The following PDGFD variants were observed in gnomAD, a reference collection of about 807,000 sequenced individuals.
PDGFD encodes the protein platelet-derived growth factor D.
PDGFD carries 30 observed loss-of-function variants against 44.7 expected under a neutral mutation model. The ratio of observed to expected loss-of-function variants is 0.67; its 90% CI spans 0.50 to 0.91. PDGFD has a LOEUF of 0.91. Ranked by LOEUF, PDGFD falls within the 40% of genes least tolerant of loss-of-function variation. PDGFD has a pLI of 0.00. For synonymous variants in PDGFD, 173 were observed against 168.4 expected, an observed-to-expected ratio of 1.03 and a Z score of -0.21; for missense variants, 445 against 457.8, an observed-to-expected ratio of 0.97 and a Z score of 0.25.
At chr11:104,010,851 A>G (rs556749058) in intron 1 of PDGFD, among the ~76,000 whole-genome samples, 2 of 152,254 alleles carry the variant, frequency 1.3e-5, no homozygotes, top group East Asian at 3.9e-4. Flanking sequence ...AAAGTATTAC[A>G]GTATCTAAGG....
chr11:104,105,552 A>C (rs1565336393), intron 1 of PDGFD, among the ~76,000 whole-genome samples: 1 of 152,132 alleles, frequency 6.6e-6, no homozygotes, highest in East Asian at 1.9e-4. Context: ...TGTATCTCCA[A>C]TTATTTAAAC....
intron 1 of PDGFD, among the ~76,000 whole-genome samples, chr11:104,060,210 T>C (rs1174449730): frequency 6.6e-6 from 1 of 152,236 alleles, no homozygotes; most frequent in Non-Finnish European, 1.5e-5. Flanking sequence ...GACAGTGTCT[T>C]GGCATCTTCA....
chr11:104,119,654 T>C (rs1230628269), intron 1 of PDGFD, among the ~76,000 whole-genome samples: 1 of 3,650 alleles, frequency 2.7e-4, no homozygotes, highest in Non-Finnish European at 0.015. Context: ...TTAATAGATA[T>C]ATATAATTAT....
chr11:104,028,129 G>A (rs893044485), intron 1 of PDGFD, among the ~76,000 whole-genome samples: 7 of 148,232 alleles, frequency 4.7e-5, no homozygotes, highest in Non-Finnish European at 7.4e-5. Context: ...GGCGGAGCTT[G>A]TAGTGAGCCG....
At chr11:104,050,774 C>T (rs1274973717) in intron 1 of PDGFD, among the ~76,000 whole-genome samples, 1 of 152,136 alleles carries the variant, frequency 6.6e-6, no homozygotes, top group Non-Finnish European at 1.5e-5. Context: ...TCCCCCATCT[C>T]CAGCAGCACA....
chr11:104,052,622 G>T (rs529646331), intron 1 of PDGFD, among the ~76,000 whole-genome samples: 1 of 152,248 alleles, frequency 6.6e-6, no homozygotes, highest in African/African-American at 2.4e-5. Context: ...GCGTGTGTTT[G>T]CTTCTCTCCA....
Position 104,000,166 on chromosome 11 carries a change from T to A in PDGFD, c.214A>T (p.Ser72Cys). Reference protein sequence around the residue: ...GYVQSPRFPNSYPRNLLLTWR... With the variant: ...GYVQSPRFPNCYPRNLLLTWR... ...GTCAGGAGCAGGTTCCTGGGGTAGCTGTTCGGGAATCTAGGACTCTGCACG... is the reference window on the plus strand; with the variant it reads ...GTCAGGAGCAGGTTCCTGGGGTAGCAGTTCGGGAATCTAGGACTCTGCACG... Residue 72 changes from serine (S) to cysteine (C), a missense_variant, in exon 2 of 7, where the codon AGC becomes TGC. Physicochemically the swap from Ser to Cys is moderately radical, Grantham distance 112. Transcript: ENST00000393158. 6.2e-7 allele frequency: 1 copy of A among 1,614,080 alleles called. No homozygotes were observed. The highest frequency in any genetic ancestry group is 1.7e-5 in the Admixed American group (1 of 60,018).
At chr11:104,118,762 AT>A (rs1861680022) in intron 1 of PDGFD, among the ~76,000 whole-genome samples, 2 of 113,592 alleles carry the variant, frequency 1.8e-5, no homozygotes, top group African/African-American at 7.0e-5. Context: ...AGTATATATT[AT>A]AAATATTAAT....
intron 1 of PDGFD, among the ~76,000 whole-genome samples, chr11:104,153,275 T>A (rs1226601386): frequency 6.6e-6 from 1 of 152,156 alleles, no homozygotes; most frequent in African/African-American, 2.4e-5. Flanking sequence ...TAAAGATCTG[T>A]CATTAAAAAG....
At chr11:104,072,934 T>A (rs1860902127) in intron 1 of PDGFD, among the ~76,000 whole-genome samples, 1 of 152,086 alleles carries the variant, frequency 6.6e-6, no homozygotes, top group South Asian at 2.1e-4. Flanking sequence ...ACAAGCTGGA[T>A]AATACATGAA....
intron 3 of PDGFD, among the ~76,000 whole-genome samples, chr11:103,973,449 A>G (rs181568987): frequency 1.3e-5 from 2 of 152,132 alleles, no homozygotes; most frequent in African/African-American, 4.8e-5. Context: ...GTCACTTTTA[A>G]TTGAAGGATT....
intron 1 of PDGFD, among the ~76,000 whole-genome samples, chr11:104,081,057 T>C (rs907312864): frequency 6.6e-6 from 1 of 152,246 alleles, no homozygotes; most frequent in Non-Finnish European, 1.5e-5. Context: ...GAGTCAGAAC[T>C]GTCCAGCTAA....
chr11:103,968,210 GCA>G (rs1859050133), intron 3 of PDGFD, among the ~76,000 whole-genome samples: 1 of 152,048 alleles, frequency 6.6e-6, no homozygotes, highest in Non-Finnish European at 1.5e-5. Flanking sequence ...CGAATTGTCA[GCA>G]TTTCCCAGCA....
At chr11:103,955,404 G>A (rs1333863766) in intron 3 of PDGFD, among the ~76,000 whole-genome samples, 2 of 152,014 alleles carry the variant, frequency 1.3e-5, no homozygotes, top group East Asian at 1.9e-4. Flanking sequence ...TGATTTTCTG[G>A]CATGCAGACC....
chr11:104,006,593 A>G (rs935861368), intron 1 of PDGFD, among the ~76,000 whole-genome samples: 2 of 152,234 alleles, frequency 1.3e-5, no homozygotes, highest in East Asian at 1.9e-4. Flanking sequence ...ATGCCACCCT[A>G]TCCTGTACCC....
At chr11:103,971,268 T>TA (rs1859098121) in intron 3 of PDGFD, among the ~76,000 whole-genome samples, 2 of 152,256 alleles carry the variant, frequency 1.3e-5, no homozygotes, top group African/African-American at 4.8e-5. Flanking sequence ...GAAAAAGCAA[T>TA]AAAAGCAGTT....
chr11:103,987,681 TCTTGTATCTTTTGC>T (rs1859389092), intron 3 of PDGFD, among the ~76,000 whole-genome samples: 2 of 152,222 alleles, frequency 1.3e-5, no homozygotes, highest in South Asian at 4.1e-4. Context: ...CCTTTTGGCT[TCTTGTATCTTTTGC>T]CTAGTAGCTA....
At chr11:104,082,133 C>CACATATATATATATATATATATATATAT (rs1861052859) in intron 1 of PDGFD, among the ~76,000 whole-genome samples, 1 of 117,518 alleles carries the variant, frequency 8.5e-6, no homozygotes, top group South Asian at 2.7e-4. Context: ...CATATACATA[C>CACATATATATATATATATATATATATAT]ATACATATAT....
intron 3 of PDGFD, among the ~76,000 whole-genome samples, chr11:103,991,542 T>A (rs1282120990): frequency 6.6e-6 from 1 of 152,212 alleles, no homozygotes; most frequent in African/African-American, 2.4e-5. Context: ...TTTCAATGTA[T>A]AAAATAAAGT....
Sources: allele counts gnomAD v4.1 joint callset (sites outside exome capture counted in the v4.1 genomes callset), GRCh38; gene constraint gnomAD v4.1.1; transcripts MANE v1.5; gene names NCBI Gene and HGNC (gene_info 2026-07-23, HGNC 2026-07-21).